Variants in RCBTB2 observed in about 807,000 individuals in gnomAD.
The protein encoded by RCBTB2 is RCC1 and BTB domain containing protein 2.
A neutral mutation model predicts 65.4 loss-of-function variants in RCBTB2; 55 were observed. That is an observed-to-expected ratio of 0.84 (90% CI 0.68 to 1.05). The LOEUF is 1.05. Among genes scored for constraint, RCBTB2 ranks in the 50% least tolerant of loss-of-function variants. The pLI, the probability that RCBTB2 is intolerant of heterozygous loss-of-function variation, is 0.00. For synonymous variants in RCBTB2, 220 were observed against 255.2 expected, an observed-to-expected ratio of 0.86 and a Z score of 1.31; for missense variants, 599 against 680.1, an observed-to-expected ratio of 0.88 and a Z score of 1.33.
At chr13:48,524,988 T>C (rs1951630561) in intron 1 of RCBTB2, among the ~76,000 whole-genome samples, 1 of 151,296 alleles carries the variant, frequency 6.6e-6, no homozygotes, top group African/African-American at 2.4e-5. Context: ...CAGGAGAGGG[T>C]TTCAACAATT....
intron 1 of RCBTB2, among the ~76,000 whole-genome samples, chr13:48,529,500 C>T (rs1408187265): frequency 6.6e-6 from 1 of 152,170 alleles, no homozygotes; most frequent in Non-Finnish European, 1.5e-5. Context: ...AAAACATCTT[C>T]CATAGGGAGA....
Position 48,527,361 on chromosome 13 carries a change from T to TATCATATATATATATGATATA in RCBTB2, c.-218-2605_-218-2604insTATATCATATATATATATGAT. Among the ~76,000 whole-genome samples, 9 of 112,430 alleles carry TATCATATATATATATGATATA rather than the reference T, an allele frequency of 8.0e-5. 1 individual carries two copies. Among genetic ancestry groups the TATCATATATATATATGATATA allele is most frequent in the African/African-American group, 5.0e-4 (9 of 18,102 alleles). 73.8% of individuals were successfully genotyped at this position (112,430 alleles called of 152,430 possible). On this transcript the variant is annotated intron_variant, in intron 1 of 14. Coordinates refer to ENST00000344532, the MANE Select transcript of RCBTB2 (RefSeq NM_001268.4). ...TGATATATATATATATGATATATAT[T>TATCATATATATATATGATATA]TATATATGATATATATATATGATAT...
chr13:48,520,274 A>G (rs1368538243), intron 4 of RCBTB2, among the ~76,000 whole-genome samples: 1 of 152,156 alleles, frequency 6.6e-6, no homozygotes, highest in Non-Finnish European at 1.5e-5. Flanking sequence ...ATTCTGCATG[A>G]CAGCAGCTGT....
intron 10 of RCBTB2, among the ~76,000 whole-genome samples, chr13:48,506,060 G>A (rs1169152353): frequency 6.6e-6 from 1 of 152,220 alleles, no homozygotes; most frequent in Non-Finnish European, 1.5e-5. Context: ...GGGCTCCTCA[G>A]GGAATATTTC....
intron 13 of RCBTB2, 109 bp downstream of exon 13, chr13:48,499,512 G>A: frequency 8.6e-7 from 1 of 1,159,128 alleles, no homozygotes; most frequent in Admixed American, 2.3e-5. Flanking sequence ...CACACAAAAA[G>A]AAATACTTCT....
chr13:48,512,310 A>G, intron 7 of RCBTB2, 136 bp from the exon 8 acceptor site: 1 of 702,636 alleles, frequency 1.4e-6, no homozygotes, highest in East Asian at 2.7e-5. Flanking sequence ...ACACAGGCAG[A>G]GAAGTGTTTA....
chr13:48,532,866 C>G (rs928605999), intron 1 of RCBTB2, 162 bp downstream of exon 1: 6 of 390,070 alleles, frequency 1.5e-5, no homozygotes, highest in Non-Finnish European at 2.1e-5. Flanking sequence ...AGGCCTGTGG[C>G]ACGGTCGCGG....
intron 3 of RCBTB2, 136 bp downstream of exon 3, chr13:48,522,172 T>C (rs2138611999): frequency 1.4e-6 from 1 of 724,132 alleles, no homozygotes; most frequent in Non-Finnish European, 2.3e-6. Flanking sequence ...GGATGGCCTC[T>C]TACGGGAATC....
At chr13:48,507,668 A>G (rs773484051) in intron 10 of RCBTB2, among the ~76,000 whole-genome samples, 5 of 152,188 alleles carry the variant, frequency 3.3e-5, no homozygotes, top group Admixed American at 6.5e-5. Context: ...TGGAGAAGAA[A>G]CAGCAAAGAT....
intron 4 of RCBTB2, among the ~76,000 whole-genome samples, chr13:48,518,620 A>G (rs990880616): frequency 1.3e-5 from 2 of 151,328 alleles, no homozygotes; most frequent in Non-Finnish European, 2.9e-5. Context: ...GTGTAAAACT[A>G]TGTCCCCAAT....
At chr13:48,535,699 A>T (rs749951365), upstream of RCBTB2, 13 of 456,624 alleles carry the variant, frequency 2.8e-5, no homozygotes, top group South Asian at 1.9e-4. Context: ...TATCAGCAGC[A>T]TTAGAAGCAT....
At chr13:48,532,665 G>A (rs867294071) in intron 1 of RCBTB2, 2 of 250,000 alleles carry the variant, frequency 8.0e-6, no homozygotes, top group South Asian at 3.5e-5. Flanking sequence ...CCCTACCAGA[G>A]GACTCGCGCA....
chr13:48,510,484 C>T, intron 10 of RCBTB2, 145 bp downstream of exon 10: 1 of 1,021,698 alleles, frequency 9.8e-7, no homozygotes, highest in Non-Finnish European at 1.4e-6. Flanking sequence ...AATTCCAAAG[C>T]CAATTTTTCT....
chr13:48,534,570 T>A (rs1952331504), upstream of RCBTB2, among the ~76,000 whole-genome samples: 1 of 152,208 alleles, frequency 6.6e-6, no homozygotes, highest in Admixed American at 6.5e-5. Context: ...GCCTGACAAT[T>A]AGCTAACAAT....
At chr13:48,498,428 C>A (rs920467110) in intron 13 of RCBTB2, among the ~76,000 whole-genome samples, 1 of 151,952 alleles carries the variant, frequency 6.6e-6, no homozygotes, top group Admixed American at 6.6e-5. Flanking sequence ...AGTGGTGGGC[C>A]GATAAAAAAC....
intron 4 of RCBTB2, 109 bp from the exon 5 acceptor site, chr13:48,515,850 C>G (rs1951058226): frequency 8.8e-7 from 1 of 1,136,906 alleles, no homozygotes; most frequent in East Asian, 2.5e-5. Context: ...GAACACACTG[C>G]ATCCATTTTT....
rs140924847 is a variant in RCBTB2, at chr13:48,490,208, G to A, written c.1559C>T (p.Thr520Ile). 3.1e-6 allele frequency: 5 copies of A among 1,613,578 alleles called. No homozygotes were observed. The highest frequency in any genetic ancestry group is 1.3e-5 in the African/African-American group (1 of 75,032). The change falls in exon 15 of 15, where the codon ACT becomes ATT. Residue 520 changes from threonine (T) to isoleucine (I), a missense_variant. Coordinates refer to ENST00000344532, the MANE Select transcript of RCBTB2 (RefSeq NM_001268.4). ...AAAACCTGATGTTTGTGTTACTACA[G>A]TCAGATGGTTTATGCAAAACCTGAA... ...FCFRFCINHLTVVTQTSGFAE... is the reference protein window; with the variant it reads ...FCFRFCINHLIVVTQTSGFAE...
chr13:48,532,774 T>C (rs892417770), intron 1 of RCBTB2: 55 of 307,550 alleles, frequency 1.8e-4, no homozygotes, highest in South Asian at 1.2e-3. Flanking sequence ...GGGCCGCCTC[T>C]GCCTGCGGCC....
chr13:48,498,075 G>A (rs74077646), intron 13 of RCBTB2, among the ~76,000 whole-genome samples: 1,873 of 152,250 alleles, frequency 0.012, 29 homozygotes, highest in African/African-American at 0.042. Context: ...TCCTCCCTTA[G>A]ACCCCACCAC....
Sources: gnomAD v4.1 joint callset for allele counts (sites outside exome capture counted in the v4.1 genomes callset) on GRCh38, gnomAD v4.1.1 for gene constraint, MANE v1.5 for transcripts, NCBI Gene and HGNC (gene_info 2026-07-23, HGNC 2026-07-21) for gene names.